PLCB1: variants seen among roughly 807,000 people sequenced by gnomAD.
PLCB1 encodes phospholipase C beta 1.
A neutral mutation model predicts 161.8 loss-of-function variants in PLCB1; 46 were observed. That is an observed-to-expected ratio of 0.28 (90% CI 0.22 to 0.36). The LOEUF (loss-of-function observed/expected upper bound fraction) is 0.36. Ranked by LOEUF, PLCB1 falls within the 10% of genes least tolerant of loss-of-function variation. The pLI is 1.00. For synonymous variants in PLCB1, 517 were observed against 503.7 expected (o/e 1.03, Z -0.35); for missense variants, 1,016 against 1,472.5 (o/e 0.69, Z 5.07).
intron 23 of PLCB1, among the ~76,000 whole-genome samples, chr20:8,750,254 G>C (rs1403531775): frequency 2.0e-5 from 3 of 152,170 alleles, no homozygotes; most frequent in Non-Finnish European, 1.5e-5. Flanking sequence ...GACATTAACT[G>C]TGCAAAACAC....
chr20:8,743,118 C>G (rs1020811040), intron 23 of PLCB1, among the ~76,000 whole-genome samples: 7 of 152,112 alleles, frequency 4.6e-5, no homozygotes, highest in African/African-American at 1.7e-4. Flanking sequence ...GCATCCTTGT[C>G]TTATTCCAGA....
intron 2 of PLCB1, among the ~76,000 whole-genome samples, chr20:8,268,630 T>C (rs1195162004): frequency 6.6e-6 from 1 of 152,238 alleles, no homozygotes; most frequent in African/African-American, 2.4e-5. Flanking sequence ...CAGCACCTGT[T>C]GTTTCCTGAC....
intron 31 of PLCB1, among the ~76,000 whole-genome samples, chr20:8,792,974 T>C (rs1983838987): frequency 6.6e-6 from 1 of 152,216 alleles, no homozygotes; most frequent in Admixed American, 6.5e-5. Flanking sequence ...CAGTCGCTGA[T>C]GCTCCTGTAA....
chr20:8,132,696 C>G lies in PLCB1; in HGVS notation c.45C>G (p.Pro15=), dbSNP rs540174506. Reference sequence around the variant, plus strand: ...GAGTGCACGCCTTGCAACTCAAGCCCGTGTGCGTGTCCGACAGCCTCAAGA... The same window carrying G: ...GAGTGCACGCCTTGCAACTCAAGCCGGTGTGCGTGTCCGACAGCCTCAAGA... ...QPGVHALQLK[P]VCVSDSLKKG... is the part of the protein sequence containing the mutation. The change falls in exon 1 of 32, where the codon CCC becomes CCG. Residue 15 remains proline (P), a synonymous_variant. Coordinates refer to ENST00000338037, the MANE Select transcript of PLCB1 (RefSeq NM_015192.4). This position sits in a 1 kb window ranked among gnomAD's most constrained non-coding sequence, Gnocchi z 5.2. 2.5e-6 allele frequency: 4 copies of G among 1,612,960 alleles called. No homozygotes were observed. The highest frequency in any genetic ancestry group is 2.2e-5 in the East Asian group (1 of 44,814).
At chr20:8,262,865 TGAGAGA>T (rs11471091) in intron 2 of PLCB1, among the ~76,000 whole-genome samples, 11,489 of 151,848 alleles carry the variant, frequency 0.076, 507 homozygotes, top group East Asian at 0.16. Context: ...AGAAAGAGAA[TGAGAGA>T]GAGAGAGAAA....
Position 8,765,178 on chromosome 20 carries a change from A to C in PLCB1, c.2750A>C (p.Lys917Thr), listed in dbSNP as rs1232538285. The change falls in exon 26 of 32, where the codon AAA becomes ACA. Residue 917 changes from lysine (K) to threonine (T), a missense_variant. Around this residue, in one of 10 missense-constraint regions of PLCB1, gnomAD observed 398 missense variants for 445.4 expected, o/e 0.89. Transcript: ENST00000338037. ...AQTIEELKQQKSFVKLQKKHY... is the reference protein window; with the variant it reads ...AQTIEELKQQTSFVKLQKKHY... ...ACCATCGAAGAACTAAAGCAACAGAAATCGTTTGTGAAACTTCAAAAGAAA... is the reference window on the plus strand; with the variant it reads ...ACCATCGAAGAACTAAAGCAACAGACATCGTTTGTGAAACTTCAAAAGAAA... 6.2e-7 allele frequency: 1 copy of C among 1,614,040 alleles called. No homozygotes were observed. The highest frequency in any genetic ancestry group is 8.5e-7 in the Non-Finnish European group (1 of 1,179,996).
chr20:8,526,854 T>C (rs1009182552), intron 3 of PLCB1, among the ~76,000 whole-genome samples: 12 of 152,230 alleles, frequency 7.9e-5, no homozygotes, highest in Admixed American at 3.9e-4. Context: ...GGGCAGCTAA[T>C]GCAAAAAACT....
At chr20:8,342,386 A>T (rs1245341009) in intron 2 of PLCB1, among the ~76,000 whole-genome samples, 1 of 152,262 alleles carries the variant, frequency 6.6e-6, no homozygotes, top group East Asian at 1.9e-4. Context: ...CAAAATAAGG[A>T]AGATGCACTG....
chr20:8,458,735 T>C (rs572400082), intron 3 of PLCB1, among the ~76,000 whole-genome samples: 1 of 152,356 alleles, frequency 6.6e-6, no homozygotes, highest in South Asian at 2.1e-4. Flanking sequence ...TTCTGGACTC[T>C]TAAGTAAGTT....
At chr20:8,382,383 C>T (rs921776788) in intron 3 of PLCB1, among the ~76,000 whole-genome samples, 2 of 150,398 alleles carry the variant, frequency 1.3e-5, no homozygotes, top group African/African-American at 2.4e-5. Context: ...CCCGGGTTCA[C>T]GCCATTCTCC....
intron 3 of PLCB1, among the ~76,000 whole-genome samples, chr20:8,580,916 G>T (rs1187493108): frequency 1.3e-5 from 2 of 152,350 alleles, no homozygotes; most frequent in South Asian, 2.1e-4. Context: ...AGGAATTAAA[G>T]TGTCATAAGA....
At chr20:8,335,919 C>A (rs1985558392) in intron 2 of PLCB1, among the ~76,000 whole-genome samples, 2 of 152,200 alleles carry the variant, frequency 1.3e-5, no homozygotes, top group East Asian at 3.9e-4. Flanking sequence ...TACAATAACG[C>A]TGGTCAGGGA....
chr20:8,607,491 C>G (rs2123161129), intron 3 of PLCB1, among the ~76,000 whole-genome samples: 1 of 152,296 alleles, frequency 6.6e-6, no homozygotes, highest in African/African-American at 2.4e-5. Flanking sequence ...TTGCTATGTT[C>G]CAGCCTCTCT....
intron 5 of PLCB1, among the ~76,000 whole-genome samples, chr20:8,647,644 G>A (rs1224594459): frequency 6.6e-6 from 1 of 152,138 alleles, no homozygotes; most frequent in East Asian, 1.9e-4. Context: ...TGCAAAAACA[G>A]GCAAAAGTAA....
chr20:8,414,300 C>T (rs554943320), intron 3 of PLCB1, among the ~76,000 whole-genome samples: 17 of 152,042 alleles, frequency 1.1e-4, no homozygotes, highest in Non-Finnish European at 1.5e-4. Flanking sequence ...ACATATAAGC[C>T]ATATCAAATT....
At chr20:8,780,144 A>G (rs183571009) in intron 27 of PLCB1, among the ~76,000 whole-genome samples, 25 of 152,288 alleles carry the variant, frequency 1.6e-4, no homozygotes, top group African/African-American at 5.5e-4. Context: ...TGTTTCGTCT[A>G]TACCATTAGG....
At chr20:8,309,040 A>G (rs1292559844) in intron 2 of PLCB1, among the ~76,000 whole-genome samples, 1 of 152,008 alleles carries the variant, frequency 6.6e-6, no homozygotes, top group Non-Finnish European at 1.5e-5. Flanking sequence ...TAAATTAGTA[A>G]GTAGTGTGGT....
chr20:8,493,620 C>T (rs996102357), intron 3 of PLCB1, among the ~76,000 whole-genome samples: 1 of 150,470 alleles, frequency 6.6e-6, no homozygotes, highest in African/African-American at 2.4e-5. Context: ...TTTGAGAGTG[C>T]TGTGTGCTTT....
At chr20:8,689,214 ATTCTC>A (rs1386788532) in intron 10 of PLCB1, among the ~76,000 whole-genome samples, 1 of 152,082 alleles carries the variant, frequency 6.6e-6, no homozygotes, top group Non-Finnish European at 1.5e-5. Context: ...ACTTTGCTGA[ATTCTC>A]TTATCTGTTC....
Sources: allele counts gnomAD v4.1 joint callset (sites outside exome capture counted in the v4.1 genomes callset), GRCh38; gene constraint gnomAD v4.1.1; regional missense constraint gnomAD v4.1.1; non-coding constraint Gnocchi (gnomAD v3.1); transcripts MANE v1.5; gene names NCBI Gene and HGNC (gene_info 2026-07-23, HGNC 2026-07-21).